DYNC2H1: variants seen among roughly 807,000 people sequenced by gnomAD.
DYNC2H1 encodes dynein cytoplasmic 2 heavy chain 1, also known as cytoplasmic dynein 2 heavy chain 1.
In DYNC2H1, 410 loss-of-function variants were observed where a neutral mutation model predicts 570.0. That is an observed-to-expected ratio of 0.72 (90% confidence interval 0.66 to 0.78). The LOEUF (loss-of-function observed/expected upper bound fraction) is 0.78, where lower values mean the gene tolerates loss of function less well. Ranked by LOEUF, DYNC2H1 falls within the 30% of genes least tolerant of loss-of-function variation. The pLI is 0.00. For synonymous variants in DYNC2H1, 1,688 were observed against 1,677.6 expected, an observed-to-expected ratio of 1.01 and a Z score of -0.15; for missense variants, 4,865 against 5,046.4, an observed-to-expected ratio of 0.96 and a Z score of 1.09.
At chr11:103,343,023 A>C (rs1304372523) in intron 82 of DYNC2H1, among the ~76,000 whole-genome samples, 1 of 152,144 alleles carries the variant, frequency 6.6e-6, no homozygotes, top group Non-Finnish European at 1.5e-5. Flanking sequence ...AGTGACTAGC[A>C]CGGCCACTGG....
chr11:103,141,918 G>A (rs2435920), intron 17 of DYNC2H1, among the ~76,000 whole-genome samples: 103,647 of 152,098 alleles, frequency 0.68, 36,169 homozygotes, highest in East Asian at 0.77. Context: ...AATGGCGGGT[G>A]CCCCTCCCAC....
intron 77 of DYNC2H1, among the ~76,000 whole-genome samples, chr11:103,307,495 T>C (rs1302075902): frequency 6.6e-5 from 10 of 152,124 alleles, no homozygotes; most frequent in Admixed American, 4.6e-4. Context: ...AGTGGCAAAG[T>C]ATGAATTTCA....
Position 103,205,027 on chromosome 11 carries a change from A to C in DYNC2H1, c.8454+63A>C. 2.0e-6 allele frequency: 3 copies of C among 1,464,982 alleles called. No homozygotes were observed. Among genetic ancestry groups the C allele is most frequent in the South Asian group, 1.3e-5 (1 of 77,504 alleles). The allele number at this position is 1,464,982 out of a possible 1,614,324, so 90.7% of individuals were successfully genotyped here. A position where few individuals can be genotyped will look rare whatever the true frequency, so the allele number is the denominator to read the frequency against. On this transcript the variant is annotated intron_variant, in intron 52 of 88. Coordinates refer to ENST00000375735, the MANE Select transcript of DYNC2H1 (RefSeq NM_001377.3). The surrounding 1 kb of genome is among the most constrained non-coding windows in gnomAD (Gnocchi z 4.5). ...TTTATTTTTGAAGTTATTGATTTTC[A>C]CAACTTCTCTTTGGTGTTGGTTATA... is the stretch of plus-strand genomic sequence containing the variant.
At position 103,305,578 on chromosome 11, in the gene DYNC2H1, T is replaced by C. The variant is rs1467741895; in HGVS notation, c.11382+858T>C. On this transcript the variant is annotated intron_variant, in intron 77 of 88. Coordinates refer to ENST00000375735, the MANE Select transcript of DYNC2H1 (RefSeq NM_001377.3). The surrounding 1 kb of genome is among the most constrained non-coding windows in gnomAD (Gnocchi z 4.3). ...GAGAAGTTAGTAATTAATTAATTAA[T>C]TAATTTTTTCTGGCAGTGGTATATA... Among the ~76,000 whole-genome samples the C allele has an allele frequency of 1.3e-5, 2 of 152,152 alleles. No individual in the cohort carries two copies. Among genetic ancestry groups the C allele is most frequent in the African/African-American group, 4.8e-5 (2 of 41,436 alleles).
At chr11:103,314,247 A>T (rs1937683234) in intron 79 of DYNC2H1, among the ~76,000 whole-genome samples, 1 of 152,148 alleles carries the variant, frequency 6.6e-6, no homozygotes, top group Non-Finnish European at 1.5e-5. Flanking sequence ...ACACAAACAT[A>T]TTAATTTCTA....
intron 83 of DYNC2H1, among the ~76,000 whole-genome samples, chr11:103,387,985 G>T (rs1173608518): frequency 6.6e-6 from 1 of 152,130 alleles, no homozygotes; most frequent in Non-Finnish European, 1.5e-5. Context: ...GGCAATGCAG[G>T]CTCTTTTTTG....
intron 1 of DYNC2H1, among the ~76,000 whole-genome samples, chr11:103,112,048 C>T (rs1246452838): frequency 6.6e-6 from 1 of 152,052 alleles, no homozygotes; most frequent in Non-Finnish European, 1.5e-5. Context: ...GATGGGGCAG[C>T]GTGGGGAACT....
Position 103,135,548 on chromosome 11 carries a change from G to A in DYNC2H1, c.2259G>A (p.Leu753=), listed in dbSNP as rs1423087675. ...HAWKQHWNHQ[L]YKALEHQYQM... is the part of the protein sequence containing the mutation. ...GGAAACAACACTGGAATCATCAACT[G>A]TACAAAGCTCTGGAGCATCAGTACC... is the stretch of plus-strand genomic sequence containing the variant. Residue 753 remains leucine (L), a synonymous_variant, in exon 16 of 89, where the codon CTG becomes CTA. Coordinates refer to ENST00000375735, the MANE Select transcript of DYNC2H1 (RefSeq NM_001377.3). 3 of 1,611,602 alleles carry A rather than the reference G, an allele frequency of 1.9e-6. No individual in the cohort carries two copies. The highest frequency in any genetic ancestry group is 1.7e-5 in the Admixed American group (1 of 59,628).
intron 84 of DYNC2H1, among the ~76,000 whole-genome samples, chr11:103,418,157 C>A (rs1485486819): frequency 1.4e-5 from 2 of 143,900 alleles, no homozygotes; most frequent in Non-Finnish European, 3.0e-5. Context: ...CAATGTTGCA[C>A]CACATATCCT....
intron 60 of DYNC2H1, 42 bp from the exon 61 acceptor site, chr11:103,233,992 C>A (rs1172095200): frequency 6.5e-7 from 1 of 1,534,238 alleles, no homozygotes; most frequent in South Asian, 1.2e-5. Context: ...AAATCTCTCC[C>A]AAATCCTTTT....
Position 103,143,096 on chromosome 11 carries a change from T to G in DYNC2H1, c.2575-172T>G, listed in dbSNP as rs145412723. ...CACTGCATTTGCATATTAAATCTCT[T>G]TTTTCTGTTTATTCTTTAGGCTGTG... On this transcript the variant is annotated intron_variant, in intron 17 of 88. Coordinates refer to ENST00000375735, the MANE Select transcript of DYNC2H1 (RefSeq NM_001377.3). Among the ~76,000 whole-genome samples the G allele has an allele frequency of 3.3e-3, 506 of 152,356 alleles. 2 individuals carry two copies. Among genetic ancestry groups the G allele is most frequent in the African/African-American group, 0.012 (482 of 41,580 alleles).
chr11:103,320,897 A>G (rs562035559), intron 80 of DYNC2H1, 132 bp from the exon 81 acceptor site: 4 of 721,918 alleles, frequency 5.5e-6, no homozygotes, highest in South Asian at 2.1e-5. Flanking sequence ...ATTTACTACT[A>G]TTAATAGTCA....
chr11:103,370,097 G>T (rs1303649331), intron 83 of DYNC2H1, among the ~76,000 whole-genome samples: 1 of 152,234 alleles, frequency 6.6e-6, no homozygotes, highest in African/African-American at 2.4e-5. Flanking sequence ...TGCCCTGAAG[G>T]GTGAGTCCCA....
chr11:103,470,915 C>T (rs1945362044), intron 88 of DYNC2H1, among the ~76,000 whole-genome samples: 1 of 152,056 alleles, frequency 6.6e-6, no homozygotes, highest in Admixed American at 6.6e-5. Context: ...ATTTATAATC[C>T]TTTGGGTATA....
chr11:103,352,713 GTT>G (rs1182948833), intron 82 of DYNC2H1, among the ~76,000 whole-genome samples: 1 of 152,146 alleles, frequency 6.6e-6, no homozygotes, highest in Non-Finnish European at 1.5e-5. Flanking sequence ...ATGTAAATTA[GTT>G]TGACCCTTGT....
At position 103,189,893 on chromosome 11, in the gene DYNC2H1, G is replaced by A. The variant is rs1382423154; in HGVS notation, c.7437+77G>A. The A allele has an allele frequency of 1.1e-5, 16 of 1,401,560 alleles. No homozygotes were observed. The highest frequency in any genetic ancestry group is 2.0e-4 in the Middle Eastern group (1 of 5,100). 86.8% of individuals were successfully genotyped at this position (1,401,560 alleles called of 1,614,324 possible). A position where few individuals can be genotyped will look rare whatever the true frequency, so the allele number is the denominator to read the frequency against. ...AGGTCTACTTTTAATTCTGACCTCT[G>A]TGTTGACACCCAGGCTTTACTTTCC... On this transcript the variant is annotated intron_variant, in intron 45 of 88. Transcript: ENST00000375735. This position sits in a 1 kb window ranked among gnomAD's most constrained non-coding sequence, Gnocchi z 4.3.
intron 82 of DYNC2H1, among the ~76,000 whole-genome samples, chr11:103,357,029 A>G (rs1250466236): frequency 2.0e-5 from 3 of 152,136 alleles, no homozygotes; most frequent in Admixed American, 1.3e-4. Context: ...TTTATTTTAG[A>G]CAAACAGTGA....
intron 83 of DYNC2H1, among the ~76,000 whole-genome samples, chr11:103,384,948 G>A (rs1351130200): frequency 1.3e-5 from 2 of 152,008 alleles, no homozygotes; most frequent in Admixed American, 1.3e-4. Context: ...GTCTTAAAGG[G>A]TATGTTATTC....
Position 103,252,470 on chromosome 11 carries a change from C to T in DYNC2H1, c.10043-815C>T, listed in dbSNP as rs1267572203. Among the ~76,000 whole-genome samples, 2 of 152,046 alleles carry T rather than the reference C, an allele frequency of 1.3e-5. No individual in the cohort carries two copies. Among genetic ancestry groups the T allele is most frequent in the South Asian group, 2.1e-4 (1 of 4,820 alleles). On this transcript the variant is annotated intron_variant, in intron 65 of 88. Transcript: ENST00000375735. This position sits in a 1 kb window ranked among gnomAD's most constrained non-coding sequence, Gnocchi z 4.6. ...TGGCTGCCCTGGTCTTCATTCCCAC[C>T]AACAATTCCCTTTTCTCCGTATCTT...
Sources: gnomAD v4.1 joint callset for allele counts (sites outside exome capture counted in the v4.1 genomes callset) on GRCh38, gnomAD v4.1.1 for gene constraint, Gnocchi (gnomAD v3.1) non-coding constraint, MANE v1.5 for transcripts, NCBI Gene and HGNC (gene_info 2026-07-23, HGNC 2026-07-21) for gene names.